Variants in PMFBP1 observed in about 807,000 individuals in gnomAD.
The protein encoded by PMFBP1 is polyamine-modulated factor 1-binding protein 1.
A neutral mutation model predicts 137.8 loss-of-function variants in PMFBP1; 131 were observed. The ratio of observed to expected loss-of-function variants is 0.95; its 90% CI spans 0.82 to 1.10. PMFBP1 has a LOEUF of 1.10. Among genes scored for constraint, PMFBP1 ranks in the 50% least tolerant of loss-of-function variants. PMFBP1 has a pLI of 0.00. For synonymous variants in PMFBP1, 490 were observed against 450.4 expected (o/e 1.09, Z -1.11); for missense variants, 1,199 against 1,175.4 (o/e 1.02, Z -0.29).
intron 2 of PMFBP1, among the ~76,000 whole-genome samples, chr16:72,170,222 G>A (rs1463157663): frequency 3.3e-5 from 5 of 151,030 alleles, no homozygotes; most frequent in South Asian, 2.1e-4. Flanking sequence ...AAATCCATAC[G>A]AGATCCTTGT....
chr16:72,126,093 G>A lies in PMFBP1; in HGVS notation c.2128C>T (p.Gln710Ter). Reference protein sequence around the residue: ...QKESLMSLQAQLDKALQKEKH... With the variant: ...QKESLMSLQA The stretch of plus-strand genomic sequence containing the variant: ...TCCTTCTGCAGAGCTTTGTCCAGCT[G>A]GGCCTGCAGGCTCATTAAGGACTCC... Residue 710 changes from glutamine to a stop codon, truncating the protein, a stop_gained, in exon 15 of 21, where the codon CAG (glutamine) becomes TAG (stop). Coordinates refer to ENST00000237353, the MANE Select transcript of PMFBP1 (RefSeq NM_031293.3). LOFTEE classifies it high-confidence loss of function. The A allele has an allele frequency of 6.2e-7, 1 of 1,614,156 alleles. No homozygotes were observed. Among genetic ancestry groups the A allele is most frequent in the Non-Finnish European group, 8.5e-7 (1 of 1,180,006 alleles).
the PMFBP1 span, among the ~76,000 whole-genome samples, chr16:72,248,742 T>C: frequency 2.0e-5 from 3 of 152,164 alleles, no homozygotes; most frequent in Non-Finnish European, 4.4e-5. Flanking sequence ...GCTGTCAGCT[T>C]TTAGGCGCCC....
Position 72,120,055 on chromosome 16 carries a change from C to T in PMFBP1, c.2803G>A (p.Glu935Lys), listed in dbSNP as rs781699997. 1.6e-5 allele frequency: 26 copies of T among 1,614,020 alleles called. No individual in the cohort carries two copies. The highest frequency in any genetic ancestry group is 2.1e-5 in the Non-Finnish European group (25 of 1,180,042). Residue 935 changes from glutamate (E) to lysine (K), a missense_variant, in exon 20 of 21, where the codon GAA (glutamate) becomes AAA (lysine). Glu to Lys is a moderately conservative substitution (Grantham distance 56). Transcript: ENST00000237353. ...ATCTCCTTCTTCAGCTTCTTGTTTTCCTGCTGCAAGTGGACCATTACACTG... is the reference window on the plus strand; with the variant it reads ...ATCTCCTTCTTCAGCTTCTTGTTTTTCTGCTGCAAGTGGACCATTACACTG... ...LHSVMVHLQQENKKLKKEIEE... is the reference protein window; with the variant it reads ...LHSVMVHLQQKNKKLKKEIEE...
intron 5 of PMFBP1, among the ~76,000 whole-genome samples, chr16:72,143,262 C>A (rs182011850): frequency 6.6e-6 from 1 of 152,096 alleles, no homozygotes; most frequent in Admixed American, 6.6e-5. Flanking sequence ...AAATGAGGAG[C>A]AAGGCAAAGA....
At position 72,128,701 on chromosome 16, in the gene PMFBP1, T is replaced by C; in HGVS notation, c.2044A>G (p.Lys682Glu). 6.2e-7 allele frequency: 1 copy of C among 1,614,214 alleles called. No homozygotes were observed. The highest frequency in any genetic ancestry group is 1.1e-5 in the South Asian group (1 of 91,084). The part of the protein sequence containing the change: ...CSTQLESSLN[K>E]YNTSQQVIQD... ...ATGACTTGCTGGCTGGTGTTGTATT[T>C]GTTGAGAGAGGATTCCAGTTGTGTA... The change falls in exon 14 of 21, where the codon AAA becomes GAA. Residue 682 changes from lysine (K) to glutamate (E), a missense_variant. Coordinates refer to ENST00000237353, the MANE Select transcript of PMFBP1 (RefSeq NM_031293.3).
At chr16:72,120,278 T>C in intron 19 of PMFBP1, 189 bp from the exon 20 acceptor site, 1 of 967,630 alleles carries the variant, frequency 1.0e-6, no homozygotes, top group Non-Finnish European at 1.5e-6. Context: ...AGCCCAGGCC[T>C]GGGGTCTGAG....
chr16:72,144,067 T>C (rs969964429), intron 5 of PMFBP1, among the ~76,000 whole-genome samples: 2 of 151,950 alleles, frequency 1.3e-5, no homozygotes, highest in African/African-American at 4.8e-5. Context: ...TAAAATTAAA[T>C]GTATAAAAGA....
chr16:72,138,406 G>A (rs2042665825), intron 7 of PMFBP1, among the ~76,000 whole-genome samples: 1 of 152,238 alleles, frequency 6.6e-6, no homozygotes, highest in African/African-American at 2.4e-5. Flanking sequence ...ATGGCCTCCT[G>A]TGGCTGGCTT....
chr16:72,187,168 A>G, the PMFBP1 span, among the ~76,000 whole-genome samples: 1 of 152,154 alleles, frequency 6.6e-6, no homozygotes, highest in African/African-American at 2.4e-5. Context: ...AAGAAACTTA[A>G]CTTCTGAAGA....
chr16:72,146,655 T>A (rs996372410), intron 5 of PMFBP1, among the ~76,000 whole-genome samples: 5 of 152,210 alleles, frequency 3.3e-5, no homozygotes, highest in Admixed American at 1.3e-4. Flanking sequence ...CTCTTTAAGC[T>A]GATAAACAAC....
intron 3 of PMFBP1, among the ~76,000 whole-genome samples, chr16:72,160,909 G>C (rs931278497): frequency 6.6e-6 from 1 of 152,124 alleles, no homozygotes; most frequent in Admixed American, 6.5e-5. Context: ...TGCATGAGGG[G>C]TTATTTGGCT....
At position 72,124,299 on chromosome 16, in the gene PMFBP1, C is replaced by T. The variant is rs1480752705; in HGVS notation, c.2589+468G>A. Among the ~76,000 whole-genome samples the T allele has an allele frequency of 2.6e-5, 4 of 152,324 alleles. No individual in the cohort carries two copies. In the East Asian group the frequency reaches 5.8e-4, roughly 22 times the overall value. ...GTGTAGGGACTGCAGGCATGAGCCACTGTGCCCGGCCTAAGATGCCTTCTT... is the reference window on the plus strand; with the variant it reads ...GTGTAGGGACTGCAGGCATGAGCCATTGTGCCCGGCCTAAGATGCCTTCTT... On this transcript the variant is annotated intron_variant, in intron 17 of 20. Coordinates refer to ENST00000237353, the MANE Select transcript of PMFBP1 (RefSeq NM_031293.3).
At position 72,136,483 on chromosome 16, in the gene PMFBP1, T is replaced by C. The variant is rs2144321549; in HGVS notation, c.1168A>G (p.Thr390Ala). 1.9e-6 allele frequency: 3 copies of C among 1,613,940 alleles called. No homozygotes were observed. The highest frequency in any genetic ancestry group is 2.2e-5 in the East Asian group (1 of 44,868). ...CRLQELQLEFTETQKLTLKKD... is the reference protein window; with the variant it reads ...CRLQELQLEFAETQKLTLKKD... Reference sequence around the variant, plus strand: ...TTCAAAGTGAGCTTTTGGGTCTCGGTGAACTCCAGCTGCAGCTCCTGCAGC... The same window carrying C: ...TTCAAAGTGAGCTTTTGGGTCTCGGCGAACTCCAGCTGCAGCTCCTGCAGC... Residue 390 changes from threonine (T) to alanine (A), a missense_variant, in exon 9 of 21, where the codon ACC becomes GCC. Transcript: ENST00000237353.
intron 19 of PMFBP1, among the ~76,000 whole-genome samples, chr16:72,120,952 C>T (rs972812464): frequency 1.3e-5 from 2 of 152,266 alleles, no homozygotes; most frequent in African/African-American, 4.8e-5. Context: ...GTACCTCACA[C>T]ACAGCAAATA....
rs762853798 is a variant in PMFBP1 at position 72,119,925 on chromosome 16, C to T, written c.2933G>A (p.Gly978Asp). 3.1e-6 allele frequency: 5 copies of T among 1,614,122 alleles called. No individual in the cohort carries two copies. Among genetic ancestry groups the T allele is most frequent in the African/African-American group, 1.3e-5 (1 of 74,950 alleles). Reference sequence around the variant, plus strand: ...CATATCCTGGGGCAACCCCTTCCAGCCCAAGGTGCCGCACACTTTCTCCCT... The same window carrying T: ...CATATCCTGGGGCAACCCCTTCCAGTCCAAGGTGCCGCACACTTTCTCCCT... ...TQREKVCGTL[G>D]WKGLPQDMGQ... Residue 978 changes from glycine to aspartate, a missense_variant, in exon 20 of 21, where the codon GGC (glycine) becomes GAC (aspartate). Physicochemically the swap from Gly to Asp is moderately conservative, Grantham distance 94. Transcript: ENST00000237353.
Position 72,119,209 on chromosome 16 carries a change from G to C in PMFBP1, c.*129C>G. 9.1e-7 allele frequency: 1 copy of C among 1,100,162 alleles called. No individual in the cohort carries two copies. The highest frequency in any genetic ancestry group is 1.4e-6 in the Non-Finnish European group (1 of 738,426). The allele number at this position is 1,100,162 out of a possible 1,614,324, so 68.2% of individuals were successfully genotyped here. A position where few individuals can be genotyped will look rare whatever the true frequency, so the allele number is the denominator to read the frequency against. On this transcript the variant is annotated 3_prime_UTR_variant, in exon 21 of 21. Transcript: ENST00000237353. ...AAAACTCAACAAAAGTTAGTGTCTT[G>C]CAAAATAGGCTGGGACCGTGATATA...
the PMFBP1 span, among the ~76,000 whole-genome samples, chr16:72,206,568 T>C: frequency 1.3e-5 from 2 of 152,146 alleles, no homozygotes; most frequent in Non-Finnish European, 2.9e-5. Flanking sequence ...TCCATGGGTG[T>C]GATTATTGTT....
At chr16:72,245,349 G>A in the PMFBP1 span, among the ~76,000 whole-genome samples, 2 of 152,134 alleles carry the variant, frequency 1.3e-5, no homozygotes, top group East Asian at 3.9e-4. Context: ...TTTTACAGGT[G>A]GGGGAACTGA....
intron 9 of PMFBP1, among the ~76,000 whole-genome samples, chr16:72,133,807 A>G (rs2042584686): frequency 6.6e-6 from 1 of 152,194 alleles, no homozygotes; most frequent in Non-Finnish European, 1.5e-5. Context: ...ACTGGTGATC[A>G]GCAGACTCCT....
Sources: allele counts gnomAD v4.1 joint callset (sites outside exome capture counted in the v4.1 genomes callset), GRCh38; gene constraint gnomAD v4.1.1; transcripts MANE v1.5; gene names NCBI Gene and HGNC (gene_info 2026-07-23, HGNC 2026-07-21).